DDX6: variants seen among roughly 807,000 people sequenced by gnomAD.
The protein encoded by DDX6 is DEAD-box helicase 6, also known as probable ATP-dependent RNA helicase DDX6.
DDX6 carries 7 observed loss-of-function variants against 60.6 expected under a neutral mutation model. The ratio of observed to expected loss-of-function variants is 0.12; its 90% confidence interval spans 0.07 to 0.22. The LOEUF (loss-of-function observed/expected upper bound fraction) is 0.22, where lower values mean the gene tolerates loss of function less well. Among genes scored for constraint, DDX6 ranks in the 10% least tolerant of loss-of-function variants. The pLI, the probability that DDX6 is intolerant of heterozygous loss-of-function variation, is 1.00. For missense variants in DDX6, 270 were observed against 589.9 expected (o/e 0.46, Z 5.62); for synonymous variants, 207 against 201.0 (o/e 1.03, Z -0.25).
chr11:118,769,698 G>C (rs543143791), intron 4 of DDX6, among the ~76,000 whole-genome samples: 1 of 99,588 alleles, frequency 1.0e-5, no homozygotes, highest in South Asian at 3.3e-4. Flanking sequence ...TTGTTAAAAG[G>C]AAATTATGTG....
chr11:118,757,729 T>TATC (rs1465590349), intron 9 of DDX6, among the ~76,000 whole-genome samples: 1 of 152,108 alleles, frequency 6.6e-6, no homozygotes, highest in Non-Finnish European at 1.5e-5. Flanking sequence ...TAGCTGGGAT[T>TATC]ACAGGCACCC....
intron 5 of DDX6, among the ~76,000 whole-genome samples, chr11:118,767,452 GA>G (rs1445119608): frequency 6.6e-6 from 1 of 152,056 alleles, no homozygotes; most frequent in Admixed American, 6.6e-5. Context: ...ATATAACTAT[GA>G]AAATTTTTTA....
At chr11:118,766,253 C>A (rs1247860311) in intron 5 of DDX6, among the ~76,000 whole-genome samples, 1 of 151,104 alleles carries the variant, frequency 6.6e-6, no homozygotes, top group Non-Finnish European at 1.5e-5. Context: ...ATAGCAAGAC[C>A]CCATCTCTAC....
chr11:118,780,114 C>CAAAAAA lies in DDX6; in HGVS notation c.265-384_265-379dup, dbSNP rs71044492. Among the ~76,000 whole-genome samples the CAAAAAA allele has an allele frequency of 8.3e-3, 334 of 40,286 alleles. 19 individuals carry two copies. The highest frequency in any genetic ancestry group is 0.02 in the South Asian group (12 of 590). 26.4% of individuals were successfully genotyped at this position (40,286 alleles called of 152,430 possible). A position where few individuals can be genotyped will look rare whatever the true frequency, so the allele number is the denominator to read the frequency against. ...GGGGGGACAGAGCCAGACTCTATCT[C>CAAAAAA]AAAAAAAAAAAAAAAAAAAAAAAAA... is the stretch of plus-strand genomic sequence containing the variant. On this transcript the variant is annotated intron_variant, in intron 3 of 13. Transcript: ENST00000534980.
chr11:118,783,838 G>T (rs187187749), intron 2 of DDX6, among the ~76,000 whole-genome samples: 2 of 76,346 alleles, frequency 2.6e-5, no homozygotes, highest in African/African-American at 9.3e-5. Flanking sequence ...AAAATAGGCT[G>T]GGCGCAGTGG....
intron 3 of DDX6, among the ~76,000 whole-genome samples, chr11:118,780,665 A>G (rs1445335922): frequency 1.3e-5 from 2 of 152,112 alleles, no homozygotes; most frequent in African/African-American, 4.8e-5. Context: ...ATTTTTTTAC[A>G]CAAATATCAT....
chr11:118,788,901 G>A (rs529414076), intron 1 of DDX6: 49 of 152,030 alleles, frequency 3.2e-4, no homozygotes, highest in African/African-American at 1.1e-3. Flanking sequence ...GGCTGGTCTT[G>A]GACTCCTAAC....
At position 118,748,248 on chromosome 11, in the gene DDX6, A is replaced by T. The variant is rs1860628103; in HGVS notation, c.*3857T>A. Reference sequence around the variant, plus strand: ...TTCTGTTGGAATCTGTCAGCTGTGGATGGGCAGAGTCCAGGTGCCAGGCTA... The same window carrying T: ...TTCTGTTGGAATCTGTCAGCTGTGGTTGGGCAGAGTCCAGGTGCCAGGCTA... On this transcript the variant is annotated 3_prime_UTR_variant, in exon 14 of 14. Coordinates refer to ENST00000534980, the MANE Select transcript of DDX6 (RefSeq NM_004397.6). The T allele has an allele frequency of 6.6e-6, 1 of 152,146 alleles. No individual in the cohort carries two copies. The highest frequency in any genetic ancestry group is 1.9e-4 in the East Asian group (1 of 5,192). The allele number at this position is 152,146 out of a possible 1,614,324, so 9.4% of individuals were successfully genotyped here.
At chr11:118,765,075 T>G in intron 6 of DDX6, 134 bp downstream of exon 6, 1 of 1,007,772 alleles carries the variant, frequency 9.9e-7, no homozygotes, top group Non-Finnish European at 1.5e-6. Context: ...TTCGCTTGAA[T>G]GCAGTGGTCA....
rs1387067013 is a variant in DDX6 at position 118,749,016 on chromosome 11, CTCTT to C, written c.*3085_*3088del. 5.9e-5 allele frequency: 9 copies of C among 152,226 alleles called. No homozygotes were observed. The highest frequency in any genetic ancestry group is 2.2e-4 in the African/African-American group (9 of 41,472). The allele number at this position is 152,226 out of a possible 1,614,324, so 9.4% of individuals were successfully genotyped here. On this transcript the variant is annotated 3_prime_UTR_variant, in exon 14 of 14. Transcript: ENST00000534980. ...TAGAGGTATATTTAGGTTTCCCTCT[CTCTT>C]ACTTCTGTGAAAGATCATTTTAGAA...
chr11:118,777,517 T>TA (rs1179872449), intron 4 of DDX6, among the ~76,000 whole-genome samples: 1 of 152,102 alleles, frequency 6.6e-6, no homozygotes, highest in Admixed American at 6.5e-5. Flanking sequence ...TACTCCACAC[T>TA]AAAAAGAATC....
At chr11:118,784,919 TACTTTTAGTAG>T (rs1268421070) in intron 2 of DDX6, among the ~76,000 whole-genome samples, 2 of 152,170 alleles carry the variant, frequency 1.3e-5, no homozygotes, top group African/African-American at 4.8e-5. Flanking sequence ...GCTAATTTTG[TACTTTTAGTAG>T]AGACGGGGTT....
intron 2 of DDX6, among the ~76,000 whole-genome samples, chr11:118,783,665 G>C (rs974686928): frequency 1.5e-4 from 23 of 151,754 alleles, no homozygotes; most frequent in Non-Finnish European, 2.9e-4. Flanking sequence ...AGCCAGACGT[G>C]ATGGTGGACA....
At chr11:118,777,517 TAAAAAGAATCA>T (rs1861740378) in intron 4 of DDX6, among the ~76,000 whole-genome samples, 1 of 152,102 alleles carries the variant, frequency 6.6e-6, no homozygotes, top group African/African-American at 2.4e-5. Context: ...TACTCCACAC[TAAAAAGAATCA>T]AGGATCCTTG....
rs1370225724 is a variant in DDX6 at position 118,750,038 on chromosome 11, A to G, written c.*2067T>C. On this transcript the variant is annotated 3_prime_UTR_variant, in exon 14 of 14. Coordinates refer to ENST00000534980, the MANE Select transcript of DDX6 (RefSeq NM_004397.6). Reference sequence around the variant, plus strand: ...TGGGTGAGTCGCAAATAGTTTGCTCAGAAGTAGGCAGAGTCAAAAAAGCAA... The same window carrying G: ...TGGGTGAGTCGCAAATAGTTTGCTCGGAAGTAGGCAGAGTCAAAAAAGCAA... The G allele has an allele frequency of 6.6e-6, 1 of 152,652 alleles. No individual in the cohort carries two copies. The highest frequency in any genetic ancestry group is 1.5e-5 in the Non-Finnish European group (1 of 68,042). 9.5% of individuals were successfully genotyped at this position (152,652 alleles called of 1,614,324 possible). A position where few individuals can be genotyped will look rare whatever the true frequency, so the allele number is the denominator to read the frequency against.
intron 6 of DDX6, among the ~76,000 whole-genome samples, chr11:118,764,821 TACACAC>T (rs59605753): frequency 2.6e-4 from 36 of 139,000 alleles, no homozygotes; most frequent in Admixed American, 9.3e-4. Flanking sequence ...AAAAAAAATA[TACACAC>T]ACACACACAC....
chr11:118,763,133 T>G (rs545750602), intron 7 of DDX6, 79 bp downstream of exon 7: 3 of 906,484 alleles, frequency 3.3e-6, no homozygotes, highest in African/African-American at 3.4e-5. Context: ...CACAAGCAGC[T>G]TTTGCTTCAT....
intron 2 of DDX6, among the ~76,000 whole-genome samples, chr11:118,783,753 G>A (rs569432213): frequency 7.8e-5 from 10 of 128,884 alleles, no homozygotes; most frequent in African/African-American, 2.9e-4. Flanking sequence ...GTTGCAGTGA[G>A]TCGAGATCAC....
At chr11:118,769,305 T>C (rs1396799559) in intron 4 of DDX6, among the ~76,000 whole-genome samples, 1 of 152,168 alleles carries the variant, frequency 6.6e-6, no homozygotes, top group African/African-American at 2.4e-5. Flanking sequence ...TTTATTTATA[T>C]AATAAGTAAA....
Sources: gnomAD v4.1 joint callset for allele counts (sites outside exome capture counted in the v4.1 genomes callset) on GRCh38, gnomAD v4.1.1 for gene constraint, MANE v1.5 for transcripts, NCBI Gene and HGNC (gene_info 2026-07-23, HGNC 2026-07-21) for gene names.